Variants in MAP3K3 observed in about 807,000 individuals in gnomAD.
MAP3K3 encodes the protein MAP/ERK kinase kinase 3.
A neutral mutation model predicts 80.9 loss-of-function variants in MAP3K3; 12 were observed. The observed-to-expected ratio is 0.15, with a 90% CI of 0.10 to 0.24. MAP3K3 has a LOEUF of 0.24. Among genes scored for constraint, MAP3K3 ranks in the 10% least tolerant of loss-of-function variants. The probability of loss-of-function intolerance (pLI) is 1.00; values close to 1 mark genes in which losing one functional copy is unlikely to be tolerated. For missense variants in MAP3K3, 596 were observed against 834.7 expected (o/e 0.71, Z 3.52); for synonymous variants, 272 against 307.1 (o/e 0.89, Z 1.19).
At chr17:63,659,778 G>A (rs1467794865) in intron 5 of MAP3K3, among the ~76,000 whole-genome samples, 2 of 151,900 alleles carry the variant, frequency 1.3e-5, no homozygotes, top group South Asian at 2.1e-4. Flanking sequence ...TGATCCGCCC[G>A]CCTTGGCCTC....
At chr17:63,648,455 TATCTAGAGAATCC>T (rs2034583059) in intron 3 of MAP3K3, among the ~76,000 whole-genome samples, 4 of 152,318 alleles carry the variant, frequency 2.6e-5, no homozygotes, top group Admixed American at 2.6e-4. Context: ...GAAACACCTC[TATCTAGAGAATCC>T]ATCTAGATAG....
chr17:63,657,148 C>T (rs774841853), intron 4 of MAP3K3, among the ~76,000 whole-genome samples: 3 of 151,974 alleles, frequency 2.0e-5, no homozygotes, highest in Non-Finnish European at 4.4e-5. Flanking sequence ...TCTGCTTGTT[C>T]TATTAATGTC....
intron 5 of MAP3K3, among the ~76,000 whole-genome samples, chr17:63,662,244 G>GA (rs35789105): frequency 0.034 from 2,759 of 80,962 alleles, 93 homozygotes; most frequent in African/African-American, 0.095. Flanking sequence ...TGTCTCTATT[G>GA]AAAAAAAAAA....
At chr17:63,684,294 C>CA (rs2035402731) in intron 7 of MAP3K3, among the ~76,000 whole-genome samples, 1 of 152,216 alleles carries the variant, frequency 6.6e-6, no homozygotes, top group Admixed American at 6.5e-5. Flanking sequence ...ATTCTTCCTC[C>CA]ACCACACCTG....
Position 63,690,671 on chromosome 17 carries a change from G to C in MAP3K3, c.1212+259G>C, listed in dbSNP as rs901313879. The C allele has an allele frequency of 6.0e-5, 29 of 487,196 alleles. No homozygotes were observed. In the East Asian group the frequency reaches 1.1e-3, roughly 18 times the overall value. The allele number at this position is 487,196 out of a possible 1,614,324, so 30.2% of individuals were successfully genotyped here. ...CAAGTAACCCAAACTGAGAGGTGAT[G>C]ACCTGTGACACAGAGGGGACTCCCT... On this transcript the variant is annotated intron_variant, in intron 12 of 15. Transcript: ENST00000361733.
chr17:63,684,731 A>G (rs1433317832), intron 7 of MAP3K3, among the ~76,000 whole-genome samples: 6 of 152,156 alleles, frequency 3.9e-5, no homozygotes, highest in Admixed American at 2.0e-4. Flanking sequence ...AGTGCAAGTG[A>G]TCCTTCCCTC....
intron 2 of MAP3K3, among the ~76,000 whole-genome samples, chr17:63,639,798 T>C (rs902226641): frequency 1.3e-5 from 2 of 152,146 alleles, no homozygotes; most frequent in Non-Finnish European, 2.9e-5. Flanking sequence ...AGGAGATCAG[T>C]GGAAGAGATG....
chr17:63,691,591 A>G lies in MAP3K3; in HGVS notation c.1345-142A>G. The G allele has an allele frequency of 8.1e-7, 1 of 1,241,092 alleles. No individual in the cohort carries two copies. Among genetic ancestry groups the G allele is most frequent in the Non-Finnish European group, 1.1e-6 (1 of 891,714 alleles). The allele number at this position is 1,241,092 out of a possible 1,614,324, so 76.9% of individuals were successfully genotyped here. A position where few individuals can be genotyped will look rare whatever the true frequency, so the allele number is the denominator to read the frequency against. ...GGTACTCTCTTTTCCAAACTGCCTG[A>G]CAGCTCCTGGCAAAATGCCCTGCCC... On this transcript the variant is annotated intron_variant, in intron 13 of 15. Coordinates refer to ENST00000361733, the MANE Select transcript of MAP3K3 (RefSeq NM_002401.5). The surrounding 1 kb of genome is among the most constrained non-coding windows in gnomAD (Gnocchi z 4.8).
chr17:63,668,516 C>T (rs928121077), intron 6 of MAP3K3, among the ~76,000 whole-genome samples: 3 of 152,152 alleles, frequency 2.0e-5, no homozygotes, highest in Non-Finnish European at 2.9e-5. Context: ...GCCTCTTTTC[C>T]GTAGTCCTTG....
intron 1 of MAP3K3, among the ~76,000 whole-genome samples, chr17:63,630,633 C>T (rs1412164213): frequency 6.6e-6 from 1 of 152,052 alleles, no homozygotes; most frequent in Non-Finnish European, 1.5e-5. Flanking sequence ...AGCCAGGTTC[C>T]CTTCTTTAAA....
At position 63,664,552 on chromosome 17, in the gene MAP3K3, T is replaced by C. The variant is rs560746550; in HGVS notation, c.382-2388T>C. Among the ~76,000 whole-genome samples, 3 of 152,314 alleles carry C rather than the reference T, an allele frequency of 2.0e-5. No individual in the cohort carries two copies. In the South Asian group the frequency reaches 6.2e-4, roughly 32 times the overall value. On this transcript the variant is annotated intron_variant, in intron 5 of 15. Coordinates refer to ENST00000361733, the MANE Select transcript of MAP3K3 (RefSeq NM_002401.5). Reference sequence around the variant, plus strand: ...TTATTGAGATAATTTGTGGGTGGACTTTTGTAACTTATTTTTCTACTGATC... The same window carrying C: ...TTATTGAGATAATTTGTGGGTGGACCTTTGTAACTTATTTTTCTACTGATC...
intron 5 of MAP3K3, among the ~76,000 whole-genome samples, chr17:63,658,146 A>C (rs1340930020): frequency 6.6e-6 from 1 of 152,238 alleles, no homozygotes; most frequent in Admixed American, 6.5e-5. Flanking sequence ...TGAGGGAGGA[A>C]GGAAAATACT....
chr17:63,689,823 A>T lies in MAP3K3; in HGVS notation c.1063+88A>T. On this transcript the variant is annotated intron_variant, in intron 11 of 15. Coordinates refer to ENST00000361733, the MANE Select transcript of MAP3K3 (RefSeq NM_002401.5). This position sits in a 1 kb window ranked among gnomAD's most constrained non-coding sequence, Gnocchi z 4.3. ...AAACAGCTGGGCCCCTGGGACCCTT[A>T]GGCTCAGCAGGTGGTGGCTTTGGCC... is the stretch of plus-strand genomic sequence containing the variant. The T allele has an allele frequency of 7.6e-7, 1 of 1,322,294 alleles. No individual in the cohort carries two copies. Among genetic ancestry groups the T allele is most frequent in the Non-Finnish European group, 1.0e-6 (1 of 971,378 alleles). The allele number at this position is 1,322,294 out of a possible 1,614,324, so 81.9% of individuals were successfully genotyped here.
chr17:63,648,377 C>G (rs146793204), intron 3 of MAP3K3, among the ~76,000 whole-genome samples: 226 of 152,266 alleles, frequency 1.5e-3, no homozygotes, highest in Middle Eastern at 3.4e-3. Flanking sequence ...GTTGCTGAGG[C>G]CTTGAAGAAG....
At position 63,663,703 on chromosome 17, in the gene MAP3K3, C is replaced by T. The variant is rs142956841; in HGVS notation, c.382-3237C>T. On this transcript the variant is annotated intron_variant, in intron 5 of 15. Coordinates refer to ENST00000361733, the MANE Select transcript of MAP3K3 (RefSeq NM_002401.5). ...TTTGTATAACAAGTGATAAACCAGC[C>T]TGGGTAACATAGCAAGACCCCCATC... Among the ~76,000 whole-genome samples the T allele has an allele frequency of 4.5e-3, 689 of 152,106 alleles. 4 individuals are homozygous for T. Among genetic ancestry groups the T allele is most frequent in the Middle Eastern group, 0.017 (5 of 294 alleles).
chr17:63,626,817 G>A (rs1394805639), intron 1 of MAP3K3, among the ~76,000 whole-genome samples: 1 of 152,132 alleles, frequency 6.6e-6, no homozygotes, highest in Non-Finnish European at 1.5e-5. Context: ...TGGTGGAGCT[G>A]GGTAGAACAT....
chr17:63,662,677 G>GT (rs1568138481), intron 5 of MAP3K3, among the ~76,000 whole-genome samples: 1 of 129,534 alleles, frequency 7.7e-6, no homozygotes, highest in African/African-American at 3.0e-5. Flanking sequence ...TTTTTTTTTG[G>GT]GATGGAGTCT....
At chr17:63,642,712 T>C (rs991920465) in intron 2 of MAP3K3, among the ~76,000 whole-genome samples, 6 of 152,024 alleles carry the variant, frequency 3.9e-5, no homozygotes, top group African/African-American at 9.7e-5. Context: ...AAAGCTGTTA[T>C]GTGTGTGTGT....
intron 7 of MAP3K3, among the ~76,000 whole-genome samples, chr17:63,682,988 T>C (rs916021988): frequency 2.0e-5 from 3 of 152,234 alleles, no homozygotes; most frequent in African/African-American, 7.2e-5. Context: ...TTGATGCAAA[T>C]GGCAATTTGG....
Sources: allele counts gnomAD v4.1 joint callset (sites outside exome capture counted in the v4.1 genomes callset), GRCh38; gene constraint gnomAD v4.1.1; non-coding constraint Gnocchi (gnomAD v3.1); transcripts MANE v1.5; gene names NCBI Gene and HGNC (gene_info 2026-07-23, HGNC 2026-07-21).